The following CDKAL1 variants were observed in gnomAD, a reference collection of about 807,000 sequenced individuals.
CDKAL1 encodes the protein CDKAL1 threonylcarbamoyladenosine tRNA methylthiotransferase, also known as threonylcarbamoyladenosine tRNA methylthiotransferase.
A neutral mutation model predicts 68.2 loss-of-function variants in CDKAL1; 32 were observed. That is an observed-to-expected ratio of 0.47 (90% CI 0.35 to 0.63). The LOEUF (loss-of-function observed/expected upper bound fraction) is 0.63, where lower values mean the gene tolerates loss of function less well. CDKAL1 is among the 30% of genes least tolerant of loss of function. The pLI, the probability that CDKAL1 is intolerant of heterozygous loss-of-function variation, is 0.00. For missense variants in CDKAL1, 606 were observed against 696.7 expected, an observed-to-expected ratio of 0.87 and a Z score of 1.47; for synonymous variants, 234 against 244.3, an observed-to-expected ratio of 0.96 and a Z score of 0.39.
chr6:21,221,950 G>A (rs1057005625), intron 15 of CDKAL1, among the ~76,000 whole-genome samples: 2 of 152,164 alleles, frequency 1.3e-5, no homozygotes, highest in Non-Finnish European at 2.9e-5. Context: ...ATTTGGCACC[G>A]TTCAAGTCTG....
At chr6:20,789,580 A>G (rs1019752477) in intron 8 of CDKAL1, among the ~76,000 whole-genome samples, 1 of 152,246 alleles carries the variant, frequency 6.6e-6, no homozygotes, top group Admixed American at 6.5e-5. Context: ...TTAAAAAAAC[A>G]TTTCAAATTC....
At chr6:20,693,129 C>CAAAAA (rs70990059) in intron 5 of CDKAL1, among the ~76,000 whole-genome samples, 28 of 67,616 alleles carry the variant, frequency 4.1e-4, no homozygotes, top group African/African-American at 1.5e-3. Context: ...GACTCTGTCT[C>CAAAAA]AAAAAAAAAA....
intron 5 of CDKAL1, among the ~76,000 whole-genome samples, chr6:20,719,495 TG>T (rs1467512977): frequency 6.6e-6 from 1 of 152,206 alleles, no homozygotes; most frequent in Non-Finnish European, 1.5e-5. Flanking sequence ...ACCACTTTCA[TG>T]TGGGTTCTGA....
intron 9 of CDKAL1, among the ~76,000 whole-genome samples, chr6:20,922,433 G>A (rs922655703): frequency 5.9e-5 from 9 of 152,278 alleles, no homozygotes; most frequent in African/African-American, 2.2e-4. Context: ...AAGACGCATA[G>A]GAGCCATAAA....
chr6:20,672,822 G>A (rs943414026), intron 5 of CDKAL1, among the ~76,000 whole-genome samples: 1 of 151,948 alleles, frequency 6.6e-6, no homozygotes, highest in African/African-American at 2.4e-5. Context: ...TGTTGCCCAG[G>A]CTGGACTGCA....
chr6:20,841,788 G>A (rs1017246671), intron 8 of CDKAL1, among the ~76,000 whole-genome samples: 5 of 152,274 alleles, frequency 3.3e-5, no homozygotes, highest in African/African-American at 9.6e-5. Flanking sequence ...ACTCTCCTGG[G>A]TTATACTGCC....
chr6:21,201,868 G>A (rs1290565555), intron 15 of CDKAL1, among the ~76,000 whole-genome samples: 2 of 151,796 alleles, frequency 1.3e-5, no homozygotes, highest in African/African-American at 4.8e-5. Flanking sequence ...AGCTACAGTT[G>A]TAAAAGCTGA....
intron 4 of CDKAL1, among the ~76,000 whole-genome samples, chr6:20,600,691 A>G (rs1766043522): frequency 6.7e-6 from 1 of 150,144 alleles, no homozygotes; most frequent in African/African-American, 2.4e-5. Flanking sequence ...TGATACTTTT[A>G]TTTATAGTGA....
At chr6:21,160,374 T>C (rs976439003) in intron 13 of CDKAL1, among the ~76,000 whole-genome samples, 4 of 151,914 alleles carry the variant, frequency 2.6e-5, no homozygotes, top group Admixed American at 2.0e-4. Context: ...CTCGGCTCAC[T>C]GCAACCTCTG....
intron 4 of CDKAL1, among the ~76,000 whole-genome samples, chr6:20,563,438 G>T (rs751995346): frequency 6.6e-6 from 1 of 152,140 alleles, no homozygotes; most frequent in African/African-American, 2.4e-5. Flanking sequence ...ATTTCCATTT[G>T]TAACGGCTTT....
intron 8 of CDKAL1, chr6:20,799,917 G>A (rs1409915782): frequency 6.6e-6 from 1 of 152,208 alleles, no homozygotes; most frequent in Non-Finnish European, 1.5e-5. Flanking sequence ...ATGATGATTT[G>A]TTTAAATTTA....
chr6:20,995,212 C>T (rs1330578520), intron 10 of CDKAL1, among the ~76,000 whole-genome samples: 2 of 152,182 alleles, frequency 1.3e-5, no homozygotes, highest in Non-Finnish European at 2.9e-5. Flanking sequence ...TTGAACCCCT[C>T]AAAGTTATCC....
intron 6 of CDKAL1, among the ~76,000 whole-genome samples, chr6:20,741,463 T>C (rs1312849296): frequency 6.6e-6 from 1 of 152,014 alleles, no homozygotes; most frequent in African/African-American, 2.4e-5. Context: ...CCTCTGCTTC[T>C]TCCCACTCAC....
intron 9 of CDKAL1, among the ~76,000 whole-genome samples, chr6:20,851,029 TTCTC>T: frequency 6.6e-6 from 1 of 152,098 alleles, no homozygotes; most frequent in Non-Finnish European, 1.5e-5. Context: ...CGTTTTTTTT[TTCTC>T]TCTCTCAACC....
At chr6:21,018,282 A>G (rs1582037922) in intron 11 of CDKAL1, among the ~76,000 whole-genome samples, 1 of 152,346 alleles carries the variant, frequency 6.6e-6, no homozygotes, top group East Asian at 1.9e-4. Flanking sequence ...ATATCAAGCC[A>G]CGGAAAATAA....
chr6:20,782,423 A>G (rs747701739), intron 8 of CDKAL1, among the ~76,000 whole-genome samples: 3 of 152,330 alleles, frequency 2.0e-5, no homozygotes, highest in South Asian at 2.1e-4. Context: ...AGTACCTCAC[A>G]TATTCATTCT....
intron 12 of CDKAL1, among the ~76,000 whole-genome samples, chr6:21,086,303 G>A (rs1772688557): frequency 6.6e-6 from 1 of 152,090 alleles, no homozygotes; most frequent in Non-Finnish European, 1.5e-5. Flanking sequence ...AAGGGAGAAA[G>A]AAAATTAGTG....
rs1202580487 is a variant in CDKAL1 at position 20,534,543 on chromosome 6, C to T, written c.-81C>T. The stretch of plus-strand genomic sequence containing the variant: ...GGAGAGTGGCGGGTTGATTTTCTCA[C>T]TTTGGACTGGTTTTTACTTCCCGAC... On this transcript the variant is annotated 5_prime_UTR_variant, in exon 1 of 16. Coordinates refer to ENST00000274695, the MANE Select transcript of CDKAL1 (RefSeq NM_017774.3). 1 of 152,636 alleles carries T rather than the reference C, an allele frequency of 6.6e-6. No homozygotes were observed. The highest frequency in any genetic ancestry group is 1.9e-4 in the East Asian group (1 of 5,320). The allele number at this position is 152,636 out of a possible 1,614,324, so 9.5% of individuals were successfully genotyped here. A position where few individuals can be genotyped will look rare whatever the true frequency, so the allele number is the denominator to read the frequency against.
chr6:20,705,634 G>C (rs1771560086), intron 5 of CDKAL1, among the ~76,000 whole-genome samples: 1 of 152,132 alleles, frequency 6.6e-6, no homozygotes, highest in Non-Finnish European at 1.5e-5. Context: ...GCAAAGACTT[G>C]GTGGAATTCA....
Sources: gnomAD v4.1 joint callset for allele counts (sites outside exome capture counted in the v4.1 genomes callset) on GRCh38, gnomAD v4.1.1 for gene constraint, MANE v1.5 for transcripts, NCBI Gene and HGNC (gene_info 2026-07-23, HGNC 2026-07-21) for gene names.